CEP152: variants seen among roughly 807,000 people sequenced by gnomAD.
The protein encoded by CEP152 is centrosomal protein 152, also known as centrosomal protein of 152 kDa.
Under a neutral mutation model 188.9 loss-of-function variants are expected in CEP152, and 132 were observed. The ratio of observed to expected loss-of-function variants is 0.70; its 90% CI spans 0.61 to 0.81. CEP152 has a LOEUF of 0.81. Ranked by LOEUF, CEP152 falls within the 30% of genes least tolerant of loss-of-function variation. The pLI is 0.00. For synonymous variants in CEP152, 649 were observed against 666.6 expected, an observed-to-expected ratio of 0.97 and a Z score of 0.41; for missense variants, 1,914 against 1,969.8, an observed-to-expected ratio of 0.97 and a Z score of 0.54.
At chr15:48,791,122 C>CTA (rs1896960714) in intron 8 of CEP152, 115 bp downstream of exon 8, 1 of 870,014 alleles carries the variant, frequency 1.1e-6, no homozygotes, top group African/African-American at 1.7e-5. Flanking sequence ...AATTTAAGTT[C>CTA]TAATGCTTTG....
At chr15:48,800,856 GAA>G (rs926445971) in intron 2 of CEP152, among the ~76,000 whole-genome samples, 2 of 148,708 alleles carry the variant, frequency 1.3e-5, no homozygotes, top group Admixed American at 1.3e-4. Flanking sequence ...TTCTTAAAAA[GAA>G]AAAAAAAGAG....
intron 1 of CEP152, chr15:48,810,177 G>C (rs1162803777): frequency 1.3e-5 from 2 of 152,120 alleles, no homozygotes; most frequent in African/African-American, 4.8e-5. Context: ...CCACAAAAGG[G>C]GTTTCTAAGA....
chr15:48,791,346 C>T lies in CEP152; in HGVS notation c.863G>A (p.Arg288Gln), dbSNP rs766223757. Residue 288 changes from arginine (R) to glutamine (Q), a missense_variant, in exon 8 of 27, where the codon CGA (arginine) becomes CAA (glutamine). Transcript: ENST00000380950. ...DEKDGLTLSL[R>Q]ESQKLFQNGK... ...ATTCTGAAAGAGTTTCTGTGATTCT[C>T]GAAGGCTGAGAGTCAAACCATCCTT... The T allele has an allele frequency of 5.0e-6, 8 of 1,612,524 alleles. No individual in the cohort carries two copies. The highest frequency in any genetic ancestry group is 1.3e-5 in the African/African-American group (1 of 74,954).
chr15:48,741,027 T>C (rs1892931399), intron 26 of CEP152: 3 of 989,684 alleles, frequency 3.0e-6, no homozygotes, highest in Non-Finnish European at 3.6e-6. Flanking sequence ...CTAATTGCAA[T>C]AGTCATCTCC....
Position 48,760,174 on chromosome 15 carries a change from T to C in CEP152, c.2655A>G (p.Lys885=), listed in dbSNP as rs747696716. The C allele has an allele frequency of 3.1e-6, 5 of 1,613,996 alleles. No individual in the cohort carries two copies. Among genetic ancestry groups the C allele is most frequent in the Non-Finnish European group, 4.2e-6 (5 of 1,179,972 alleles). The change falls in exon 19 of 27, where the codon AAA becomes AAG. Residue 885 remains lysine (K), a synonymous_variant. Coordinates refer to ENST00000380950, the MANE Select transcript of CEP152 (RefSeq NM_001194998.2). The stretch of plus-strand genomic sequence containing the variant: ...AGACCTCATGCTGTTCTTCCCACTT[T>C]TTCTGTTCTGCCTTCACAAGTGCTT... ...EYQALVKAEQ[K]KWEEQHEVSV...
At chr15:48,752,774 C>T (rs190648471) in intron 20 of CEP152, among the ~76,000 whole-genome samples, 210 of 152,156 alleles carry the variant, frequency 1.4e-3, no homozygotes, top group African/African-American at 4.5e-3. Flanking sequence ...CAATGGTTTA[C>T]GTGATTAAAC....
chr15:48,789,255 G>A (rs2047734147), intron 8 of CEP152: 2 of 519,498 alleles, frequency 3.8e-6, no homozygotes, highest in African/African-American at 1.9e-5. Flanking sequence ...GAGTGAAAGA[G>A]GATTTTGCGC....
rs1404746137 is a variant in CEP152 at position 48,810,985 on chromosome 15, C to T, written c.-32G>A. 1 of 152,524 alleles carries T rather than the reference C, an allele frequency of 6.6e-6. No homozygotes were observed. Among genetic ancestry groups the T allele is most frequent in the African/African-American group, 2.4e-5 (1 of 41,480 alleles). The allele number at this position is 152,524 out of a possible 1,614,324, so 9.4% of individuals were successfully genotyped here. On this transcript the variant is annotated 5_prime_UTR_variant, in exon 1 of 27. Coordinates refer to ENST00000380950, the MANE Select transcript of CEP152 (RefSeq NM_001194998.2). Reference sequence around the variant, plus strand: ...CCGGAGGCCACGGAGGCTGTTACCGCGAGGAAACTCTAGTCCTGGCGGAAG... The same window carrying T: ...CCGGAGGCCACGGAGGCTGTTACCGTGAGGAAACTCTAGTCCTGGCGGAAG...
At chr15:48,787,519 A>AT (rs961314747) in intron 9 of CEP152, among the ~76,000 whole-genome samples, 6 of 152,022 alleles carry the variant, frequency 3.9e-5, no homozygotes, top group East Asian at 3.9e-4. Flanking sequence ...CAAATTCACA[A>AT]TTTTTTTATA....
At chr15:48,729,743 T>C (rs549072786) in intron 2 of CEP152, 33 of 152,256 alleles carry the variant, frequency 2.2e-4, no homozygotes, top group African/African-American at 7.7e-4. Flanking sequence ...ATGTACATAC[T>C]ATGTACATGC....
Position 48,772,587 on chromosome 15 carries a change from C to T in CEP152, c.1682G>A (p.Arg561His), listed in dbSNP as rs754963681. 17 of 1,613,872 alleles carry T rather than the reference C, an allele frequency of 1.1e-5. No homozygotes were observed. The highest frequency in any genetic ancestry group is 2.7e-5 in the African/African-American group (2 of 74,908). The change falls in exon 13 of 27, where the codon CGT becomes CAT. Residue 561 changes from arginine (R) to histidine (H), a missense_variant. Coordinates refer to ENST00000380950, the MANE Select transcript of CEP152 (RefSeq NM_001194998.2). ...ATTTTGTAACTGAGACACCAGATGACGCTTCATTGAGTTGCTACCCAGCAA... is the reference window on the plus strand; with the variant it reads ...ATTTTGTAACTGAGACACCAGATGATGCTTCATTGAGTTGCTACCCAGCAA... ...QRLLGSNSMKRHLVSQLQNDL... is the reference protein window; with the variant it reads ...QRLLGSNSMKHHLVSQLQNDL...
rs1480342640 is a variant in CEP152 at position 48,800,632 on chromosome 15, A to G, written c.88-2581T>C. On this transcript the variant is annotated intron_variant, in intron 2 of 26. Transcript: ENST00000380950. ...ACAGAAATAACAATCCTTATAAGTG[A>G]TAAGATTTAATACCACTCATTAATT... Among the ~76,000 whole-genome samples the G allele has an allele frequency of 3.9e-5, 6 of 152,348 alleles. No individual in the cohort carries two copies. The East Asian group carries it at 1.2e-3, about 29-fold the overall frequency.
chr15:48,808,260 A>T (rs1030044482), intron 1 of CEP152, among the ~76,000 whole-genome samples: 2 of 140,500 alleles, frequency 1.4e-5, no homozygotes, highest in Admixed American at 7.0e-5. Flanking sequence ...AGACTTCTTT[A>T]AAAAAAAAAA....
Position 48,739,132 on chromosome 15 carries a change from C to T in CEP152, c.4250G>A (p.Cys1417Tyr). The T allele has an allele frequency of 6.2e-7, 1 of 1,614,210 alleles. No individual in the cohort carries two copies. Residue 1417 changes from cysteine (C) to tyrosine (Y), a missense_variant, in exon 27 of 27, where the codon TGT (cysteine) becomes TAT (tyrosine). By Grantham distance (194) the Cys-to-Tyr change is radical. Coordinates refer to ENST00000380950, the MANE Select transcript of CEP152 (RefSeq NM_001194998.2). ...GTTCTCTAACAGCCTTTGTAAGTTACAAGCTGCCCTCCTCTTGGGAGCTTG... is the reference window on the plus strand; with the variant it reads ...GTTCTCTAACAGCCTTTGTAAGTTATAAGCTGCCCTCCTCTTGGGAGCTTG... ...CEQAPKRRAA[C>Y]NLQRLLENSE...
intron 1 of CEP152, chr15:48,810,305 T>C (rs1360799217): frequency 6.6e-6 from 1 of 152,224 alleles, no homozygotes; most frequent in East Asian, 1.9e-4. Context: ...AGACACCTTA[T>C]TCATTCATTC....
chr15:48,782,825 G>A (rs1305269064), intron 10 of CEP152, among the ~76,000 whole-genome samples: 3 of 152,148 alleles, frequency 2.0e-5, no homozygotes, highest in East Asian at 1.9e-4. Flanking sequence ...ATTAAGTGAA[G>A]CAATGATGGC....
At chr15:48,740,588 GT>G (rs1892879227) in intron 26 of CEP152, 1 of 87,682 alleles carries the variant, frequency 1.1e-5, no homozygotes, top group Admixed American at 1.1e-4. Flanking sequence ...AAAGTTATAC[GT>G]TCTATGTTTT....
chr15:48,762,702 G>C, intron 17 of CEP152, 30 bp from the exon 18 acceptor site: 2 of 1,607,912 alleles, frequency 1.2e-6, no homozygotes, highest in Non-Finnish European at 1.7e-6. Context: ...CATACGAGAA[G>C]AACAATTTTC....
intron 12 of CEP152, among the ~76,000 whole-genome samples, chr15:48,777,468 G>T (rs1245869563): frequency 5.2e-5 from 1 of 19,208 alleles, no homozygotes; most frequent in Admixed American, 4.5e-4. Context: ...TTAGAATATT[G>T]TGTGTGTGTG....
Sources: gnomAD v4.1 joint callset for allele counts (sites outside exome capture counted in the v4.1 genomes callset) on GRCh38, gnomAD v4.1.1 for gene constraint, MANE v1.5 for transcripts, NCBI Gene and HGNC (gene_info 2026-07-23, HGNC 2026-07-21) for gene names.